STOML1: variants seen among roughly 807,000 people sequenced by gnomAD.
The protein encoded by STOML1 is stomatin like 1.
STOML1 carries 27 observed loss-of-function variants against 35.7 expected under a neutral mutation model. The ratio of observed to expected loss-of-function variants is 0.76; its 90% confidence interval spans 0.56 to 1.04. The LOEUF is 1.04. Among genes scored for constraint, STOML1 ranks in the 50% least tolerant of loss-of-function variants. The pLI is 0.00. For missense variants in STOML1, 451 were observed against 527.1 expected (o/e 0.86, Z 1.41); for synonymous variants, 219 against 227.9 (o/e 0.96, Z 0.35).
In STOML1 at chr15:73,992,075, C is replaced by A; in HGVS notation, c.133+16G>T. 6.4e-7 allele frequency: 1 copy of A among 1,564,792 alleles called. No individual in the cohort carries two copies. Among genetic ancestry groups the A allele is most frequent in the Middle Eastern group, 1.9e-4 (1 of 5,166 alleles). On this transcript the variant is annotated intron_variant, in intron 1 of 6. Coordinates refer to ENST00000541638, the MANE Select transcript of STOML1 (RefSeq NM_004809.5). ...GCCGGTCCCCCCCGGCTCCGCCGTG[C>A]CAGGCGGCCACTCACCGGCCCCTGT... is the stretch of plus-strand genomic sequence containing the variant.
intron 1 of STOML1, chr15:73,990,803 G>T: frequency 5.9e-6 from 9 of 1,535,342 alleles, no homozygotes; most frequent in Non-Finnish European, 7.8e-6. Context: ...AATTTATATT[G>T]CCTACCCATA....
Position 73,989,070 on chromosome 15 carries a change from C to T in STOML1, c.390+38G>A, listed in dbSNP as rs2069183696. On this transcript the variant is annotated intron_variant, in intron 3 of 6. Coordinates refer to ENST00000541638, the MANE Select transcript of STOML1 (RefSeq NM_004809.5). ...CACCACAGTACATTCTGGACAGGCC[C>T]CCAGTTCCTCTGTCAAGGCAGCTGA... The T allele has an allele frequency of 1.9e-6, 3 of 1,546,242 alleles. No individual in the cohort carries two copies. The South Asian group carries it at 3.7e-5, about 19-fold the overall frequency.
rs897666447 is a variant in STOML1 at position 73,979,259 on chromosome 15, G to C, written c.*4678C>G. Reference sequence around the variant, plus strand: ...AAGTGACGTGGAGAACTTTGTGAGTGGATGGGAATGTTTTGTATTTGATTG... The same window carrying C: ...AAGTGACGTGGAGAACTTTGTGAGTCGATGGGAATGTTTTGTATTTGATTG... On this transcript the variant is annotated 3_prime_UTR_variant, in exon 7 of 7. Transcript: ENST00000541638. 13 of 152,304 alleles carry C rather than the reference G, an allele frequency of 8.5e-5. 1 individual carries two copies. The East Asian group carries it at 2.5e-3, about 29-fold the overall frequency. The allele number at this position is 152,304 out of a possible 1,614,324, so 9.4% of individuals were successfully genotyped here.
In STOML1 at chr15:73,992,203, G is replaced by A; in HGVS notation, c.21C>T (p.Tyr7=). 3 of 1,605,696 alleles carry A rather than the reference G, an allele frequency of 1.9e-6. No homozygotes were observed. Among genetic ancestry groups the A allele is most frequent in the Non-Finnish European group, 2.5e-6 (3 of 1,177,114 alleles). Residue 7 remains tyrosine, a synonymous_variant, in exon 1 of 7, where the codon TAC becomes TAT. Transcript: ENST00000541638. ...CAAAATCACCCAGGGGCAGCGCCCGGTACCCAGACCTGCCGAGCATGGCTT... is the reference window on the plus strand; with the variant it reads ...CAAAATCACCCAGGGGCAGCGCCCGATACCCAGACCTGCCGAGCATGGCTT... MLGRSG[Y]RALPLGDFDR...
At chr15:73,989,470 G>T (rs1324223468) in intron 2 of STOML1, among the ~76,000 whole-genome samples, 1 of 152,218 alleles carries the variant, frequency 6.6e-6, no homozygotes, top group Admixed American at 6.5e-5. Context: ...AGATTTGAAT[G>T]CAGTTCTGAA....
At position 73,988,325 on chromosome 15, in the gene STOML1, G is replaced by C; in HGVS notation, c.594+274C>G. ...AGTGTCATCATGGCAGAGCAGTGAG[G>C]GGTAAAAACTAAGGGGCAGACCCCA... On this transcript the variant is annotated intron_variant, in intron 4 of 6. Coordinates refer to ENST00000541638, the MANE Select transcript of STOML1 (RefSeq NM_004809.5). This position sits in a 1 kb window ranked among gnomAD's most constrained non-coding sequence, Gnocchi z 4.8. 1 of 440,878 alleles carries C rather than the reference G, an allele frequency of 2.3e-6. No homozygotes were observed. The allele number at this position is 440,878 out of a possible 1,614,324, so 27.3% of individuals were successfully genotyped here. A position where few individuals can be genotyped will look rare whatever the true frequency, so the allele number is the denominator to read the frequency against.
rs1237002607 is a variant in STOML1 at position 73,982,229 on chromosome 15, G to A, written c.*1708C>T. 1 of 152,610 alleles carries A rather than the reference G, an allele frequency of 6.6e-6. No individual in the cohort carries two copies. The highest frequency in any genetic ancestry group is 1.9e-4 in the East Asian group (1 of 5,192). The allele number at this position is 152,610 out of a possible 1,614,324, so 9.5% of individuals were successfully genotyped here. A position where few individuals can be genotyped will look rare whatever the true frequency, so the allele number is the denominator to read the frequency against. On this transcript the variant is annotated 3_prime_UTR_variant, in exon 7 of 7. Transcript: ENST00000541638. ...AGCAGAAACACACAATGTGGAATGG[G>A]TGCAGAGAGCCAGGCAAGGGCACAG...
intron 5 of STOML1, 29 bp from the exon 6 acceptor site, chr15:73,984,900 G>C: frequency 6.2e-7 from 1 of 1,612,110 alleles, no homozygotes. Flanking sequence ...GTTGGGGAAG[G>C]AGGCAGAGAG....
Position 73,992,285 on chromosome 15 carries a change from T to C in STOML1, c.-62A>G, listed in dbSNP as rs1234645649. The C allele has an allele frequency of 9.9e-6, 15 of 1,515,672 alleles. No individual in the cohort carries two copies. The highest frequency in any genetic ancestry group is 1.1e-5 in the Non-Finnish European group (13 of 1,141,730). The allele number at this position is 1,515,672 out of a possible 1,614,324, so 93.9% of individuals were successfully genotyped here. ...GGCGCCCTCCCTGGCCAGTGGGCCC[T>C]ACGCGGCCCCGCCCTCCTGGCTGCT... On this transcript the variant is annotated 5_prime_UTR_variant, in exon 1 of 7. Coordinates refer to ENST00000541638, the MANE Select transcript of STOML1 (RefSeq NM_004809.5).
rs371922285 is a variant in STOML1 at position 73,984,619 on chromosome 15, C to G, written c.1003+40G>C. ...CTGGGGTAGGTAACAAGAAACCTAG[C>G]AAGCTGGATGGGAAGGAGAGGCAAG... On this transcript the variant is annotated intron_variant, in intron 6 of 6. Coordinates refer to ENST00000541638, the MANE Select transcript of STOML1 (RefSeq NM_004809.5). The G allele has an allele frequency of 1.9e-6, 3 of 1,605,856 alleles. No homozygotes were observed. The African/African-American group carries it at 4.0e-5, about 21-fold the overall frequency.
chr15:73,983,583 C>T lies in STOML1; in HGVS notation c.*354G>A, dbSNP rs1295822202. On this transcript the variant is annotated 3_prime_UTR_variant, in exon 7 of 7. Transcript: ENST00000541638. ...CATGCTTGGTCCCTCACACAAGGACCAAACCAGCTGCTGTCAGGCTGTTTC... is the reference window on the plus strand; with the variant it reads ...CATGCTTGGTCCCTCACACAAGGACTAAACCAGCTGCTGTCAGGCTGTTTC... 9.5e-6 allele frequency: 2 copies of T among 210,252 alleles called. No individual in the cohort carries two copies. Among genetic ancestry groups the T allele is most frequent in the Non-Finnish European group, 1.9e-5 (2 of 105,832 alleles). 13.0% of individuals were successfully genotyped at this position (210,252 alleles called of 1,614,324 possible).
At chr15:73,992,348 C>T (rs1351780498), upstream of STOML1, 5 of 1,216,272 alleles carry the variant, frequency 4.1e-6, no homozygotes, top group South Asian at 1.4e-4. Flanking sequence ...CGCGGCGGCG[C>T]GGGCGCAGGA....
intron 4 of STOML1, chr15:73,987,915 C>A (rs944015226): frequency 6.6e-6 from 1 of 152,198 alleles, no homozygotes; most frequent in Admixed American, 6.5e-5. Context: ...TGTCCTCTAA[C>A]CTTGATTCCC....
rs1253717844 is a variant in STOML1 at position 73,984,000 on chromosome 15, C to G, written c.1134G>C (p.Leu378=). ...CCATAGCCAGGTCGCCCTTCACCTTCAGCCGTCCACTCATGTAGGCCCCCA... is the reference window on the plus strand; with the variant it reads ...CCATAGCCAGGTCGCCCTTCACCTTGAGCCGTCCACTCATGTAGGCCCCCA... The part of the protein sequence containing the change: ...RPLGAYMSGR[L]KVKGDLAMAM... The change falls in exon 7 of 7, where the codon CTG becomes CTC. Residue 378 remains leucine, a synonymous_variant. Coordinates refer to ENST00000541638, the MANE Select transcript of STOML1 (RefSeq NM_004809.5). 2.5e-6 allele frequency: 4 copies of G among 1,613,940 alleles called. No individual in the cohort carries two copies. The Admixed American group carries it at 6.7e-5, about 27-fold the overall frequency.
rs2068962925 is a variant in STOML1, at chr15:73,981,718, C to T, written c.*2219G>A. ...AGCTGGGATGTGGAGGACATCACCT[C>T]CTCAGGAAAGCCTTCTCTGATTGAC... On this transcript the variant is annotated 3_prime_UTR_variant, in exon 7 of 7. Transcript: ENST00000541638. 1 of 152,276 alleles carries T rather than the reference C, an allele frequency of 6.6e-6. No homozygotes were observed. The highest frequency in any genetic ancestry group is 2.4e-5 in the African/African-American group (1 of 41,444). 9.4% of individuals were successfully genotyped at this position (152,276 alleles called of 1,614,324 possible).
intron 5 of STOML1, 95 bp downstream of exon 5, chr15:73,985,223 G>C: frequency 7.5e-7 from 1 of 1,328,370 alleles, no homozygotes; most frequent in Admixed American, 2.8e-5. Context: ...ATCTGTGCAG[G>C]GTGTGTACTG....
chr15:73,992,408 G>T (rs934545408), upstream of STOML1: 2 of 593,562 alleles, frequency 3.4e-6, no homozygotes, highest in African/African-American at 4.0e-5. Flanking sequence ...CTCCCCCTGC[G>T]CTGGGAGGAC....
Position 73,988,693 on chromosome 15 carries a change from C to A in STOML1, c.500G>T (p.Arg167Leu). 1.2e-6 allele frequency: 2 copies of A among 1,614,194 alleles called. No homozygotes were observed. Among genetic ancestry groups the A allele is most frequent in the South Asian group, 1.1e-5 (1 of 91,082 alleles). Residue 167 changes from arginine (R) to leucine (L), a missense_variant, in exon 4 of 7, where the codon CGC becomes CTC. Coordinates refer to ENST00000541638, the MANE Select transcript of STOML1 (RefSeq NM_004809.5). The surrounding 1 kb of genome is among the most constrained non-coding windows in gnomAD (Gnocchi z 4.8). ...MTVKDLNTAT[R>L]MTAQNAMTKA... ...GGTCATGGCGTTCTGGGCTGTCATGCGTGTGGCTGTGTTCAGGTCTTTCAC... is the reference window on the plus strand; with the variant it reads ...GGTCATGGCGTTCTGGGCTGTCATGAGTGTGGCTGTGTTCAGGTCTTTCAC...
intron 1 of STOML1, chr15:73,991,618 GC>G: frequency 2.2e-6 from 1 of 458,454 alleles, no homozygotes. Context: ...CCAACAGGCA[GC>G]TGAGGACCTG....
Sources: gnomAD v4.1 joint callset for allele counts (sites outside exome capture counted in the v4.1 genomes callset) on GRCh38, gnomAD v4.1.1 for gene constraint, Gnocchi (gnomAD v3.1) non-coding constraint, MANE v1.5 for transcripts, NCBI Gene and HGNC (gene_info 2026-07-23, HGNC 2026-07-21) for gene names.